Variants in VPS13B observed in about 807,000 individuals in gnomAD.
VPS13B encodes vacuolar protein sorting 13 homolog B.
A neutral mutation model predicts 426.4 loss-of-function variants in VPS13B; 285 were observed. The ratio of observed to expected loss-of-function variants is 0.67; its 90% confidence interval spans 0.61 to 0.74. The LOEUF is 0.74. VPS13B is among the 30% of genes least tolerant of loss of function. The pLI, the probability that VPS13B is intolerant of heterozygous loss-of-function variation, is 0.00. For missense variants in VPS13B, 4,537 were observed against 4,782.6 expected (o/e 0.95, Z 1.51); for synonymous variants, 1,676 against 1,676.4 (o/e 1.00, Z 0.01).
chr8:99,390,492 A>T lies in VPS13B; in HGVS notation c.2935-1065A>T, dbSNP rs140479944. ...CATGTTTCAGAACATGATTGATTTTATTACATAGTTATATAATAAACATGT... is the reference window on the plus strand; with the variant it reads ...CATGTTTCAGAACATGATTGATTTTTTTACATAGTTATATAATAAACATGT... On this transcript the variant is annotated intron_variant, in intron 20 of 61. Coordinates refer to ENST00000357162, the MANE Select transcript of VPS13B (RefSeq NM_152564.5). Among the ~76,000 whole-genome samples the T allele has an allele frequency of 5.3e-5, 8 of 152,216 alleles. 1 individual carries two copies. The East Asian group carries it at 1.5e-3, about 29-fold the overall frequency.
intron 26 of VPS13B, among the ~76,000 whole-genome samples, chr8:99,502,468 T>C (rs1306021024): frequency 6.6e-6 from 1 of 152,238 alleles, no homozygotes; most frequent in Admixed American, 6.5e-5. Flanking sequence ...GTGTACATAT[T>C]TTCCTTGACT....
chr8:99,208,241 T>C (rs1814846183), intron 17 of VPS13B, among the ~76,000 whole-genome samples: 1 of 152,086 alleles, frequency 6.6e-6, no homozygotes, highest in Admixed American at 6.6e-5. Flanking sequence ...CCATGAGGGA[T>C]CCATCCTCAT....
intron 19 of VPS13B, among the ~76,000 whole-genome samples, chr8:99,284,296 A>G (rs925456329): frequency 4.6e-5 from 7 of 152,112 alleles, no homozygotes; most frequent in African/African-American, 1.7e-4. Flanking sequence ...TTTCTTTGCC[A>G]TTCTCCTATT....
intron 35 of VPS13B, among the ~76,000 whole-genome samples, chr8:99,678,462 C>G (rs530916694): frequency 6.7e-4 from 102 of 152,212 alleles, no homozygotes; most frequent in African/African-American, 2.4e-3. Flanking sequence ...TTAACTACCC[C>G]CTTCCTCAGT....
intron 25 of VPS13B, among the ~76,000 whole-genome samples, chr8:99,483,365 A>G (rs1341393254): frequency 5.3e-5 from 8 of 152,132 alleles, no homozygotes; most frequent in African/African-American, 1.9e-4. Flanking sequence ...TTTCTAGAGT[A>G]AAAGCAGTGA....
At chr8:99,082,819 A>G (rs1251105226) in intron 3 of VPS13B, among the ~76,000 whole-genome samples, 2 of 152,286 alleles carry the variant, frequency 1.3e-5, no homozygotes, top group Admixed American at 1.3e-4. Context: ...CCATTGATCT[A>G]CATCTCTGTT....
chr8:99,302,591 C>A (rs1309178528), intron 19 of VPS13B, among the ~76,000 whole-genome samples: 2 of 152,082 alleles, frequency 1.3e-5, no homozygotes, highest in Non-Finnish European at 2.9e-5. Context: ...CTCACTGCAA[C>A]CTCCATCTCC....
chr8:99,434,999 C>G (rs1243460681), intron 22 of VPS13B, among the ~76,000 whole-genome samples: 1 of 152,118 alleles, frequency 6.6e-6, no homozygotes, highest in Non-Finnish European at 1.5e-5. Context: ...CATGGTCTAG[C>G]TGGGAAAAGG....
intron 19 of VPS13B, chr8:99,340,878 GCTGTGGTTGTCTGACTCT>G (rs1811203881): frequency 3.2e-6 from 1 of 314,218 alleles, no homozygotes; most frequent in Non-Finnish European, 6.5e-6. Flanking sequence ...GGCTGGTTCA[GCTGTGGTTGTCTGACTCT>G]CTGTGGACTG....
intron 33 of VPS13B, among the ~76,000 whole-genome samples, chr8:99,625,656 C>A (rs1021867471): frequency 2.0e-5 from 3 of 151,902 alleles, no homozygotes; most frequent in African/African-American, 7.3e-5. Flanking sequence ...AAGTTCAAGA[C>A]CAGCCTGGAC....
intron 58 of VPS13B, among the ~76,000 whole-genome samples, chr8:99,866,128 C>T (rs965424186): frequency 3.3e-5 from 5 of 152,274 alleles, no homozygotes; most frequent in Admixed American, 2.0e-4. Flanking sequence ...TCGCCCACCC[C>T]ACGGGCCTGA....
At position 99,820,109 on chromosome 8, in the gene VPS13B, C is replaced by T. The variant is rs913607878; in HGVS notation, c.8981C>T (p.Pro2994Leu). The change falls in exon 49 of 62, where the codon CCT (proline) becomes CTT (leucine). Residue 2994 changes from proline to leucine, a missense_variant. This residue lies in a region of VPS13B where 4,311 missense variants were observed against 4,474.3 expected (regional missense o/e 0.96). Transcript: ENST00000357162. Reference sequence around the variant, plus strand: ...GTTCCTGCTGGCAAAATTATTATTCCTCCTAATTTTCAGGTACTATAACTT... The same window carrying T: ...GTTCCTGCTGGCAAAATTATTATTCTTCCTAATTTTCAGGTACTATAACTT... The part of the protein sequence containing the change: ...LQVPAGKIII[P>L]PNFQEAFQIG... The T allele has an allele frequency of 6.2e-7, 1 of 1,613,726 alleles. No individual in the cohort carries two copies. Among genetic ancestry groups the T allele is most frequent in the Admixed American group, 1.7e-5 (1 of 59,998 alleles).
At chr8:99,682,947 C>T (rs1272573921) in intron 35 of VPS13B, among the ~76,000 whole-genome samples, 4 of 152,216 alleles carry the variant, frequency 2.6e-5, no homozygotes, top group Admixed American at 6.5e-5. Context: ...CAAGCCACAA[C>T]TCTAGGACTT....
chr8:99,188,153 T>C (rs1204577331), intron 16 of VPS13B, among the ~76,000 whole-genome samples: 1 of 151,474 alleles, frequency 6.6e-6, no homozygotes, highest in South Asian at 2.1e-4. Context: ...TTGTTTTCAT[T>C]GAGCTAAAAT....
chr8:99,740,843 C>A (rs541821570), intron 39 of VPS13B, among the ~76,000 whole-genome samples: 3 of 151,720 alleles, frequency 2.0e-5, no homozygotes, highest in South Asian at 2.1e-4. Flanking sequence ...TGGAAAGGAA[C>A]AACCAGTACC....
chr8:99,848,884 A>C lies in VPS13B; in HGVS notation c.10051A>C (p.Asn3351His). The C allele has an allele frequency of 6.2e-7, 1 of 1,613,840 alleles. No homozygotes were observed. Among genetic ancestry groups the C allele is most frequent in the Non-Finnish European group, 8.5e-7 (1 of 1,179,688 alleles). Residue 3351 changes from asparagine to histidine, a missense_variant, in exon 55 of 62, where the codon AAT (asparagine) becomes CAT (histidine). Physicochemically the swap from Asn to His is moderately conservative, Grantham distance 68 (BLOSUM62 1). Around this residue, in one of 2 missense-constraint regions of VPS13B, gnomAD observed 4,311 missense variants for 4,474.3 expected, o/e 0.96. Coordinates refer to ENST00000357162, the MANE Select transcript of VPS13B (RefSeq NM_152564.5). ...AGGAAAAGCAGGACCTATTTTAACC[A>C]ATACCAACAGGTAGGTTTAATTATT... is the stretch of plus-strand genomic sequence containing the variant. ...PEGKAGPILTNTNRAPEKIVT... is the reference protein window; with the variant it reads ...PEGKAGPILTHTNRAPEKIVT...
chr8:99,563,592 G>T (rs550352843), intron 31 of VPS13B, among the ~76,000 whole-genome samples: 29 of 152,288 alleles, frequency 1.9e-4, no homozygotes, highest in African/African-American at 6.5e-4. Flanking sequence ...TTCACAGAGT[G>T]CATGGCTTCT....
At chr8:99,641,063 T>G (rs544891354) in intron 33 of VPS13B, among the ~76,000 whole-genome samples, 7 of 152,352 alleles carry the variant, frequency 4.6e-5, no homozygotes, top group Non-Finnish European at 8.8e-5. Context: ...TAACTCTTGC[T>G]GCCACCAAGT....
In VPS13B at chr8:99,569,188, T is replaced by C. The variant is rs557353305; in HGVS notation, c.4950-6470T>C. 1.2e-3 allele frequency among the ~76,000 whole-genome samples: 176 copies of C among 152,170 alleles called. 1 individual carries two copies. Among genetic ancestry groups the C allele is most frequent in the Middle Eastern group, 6.8e-3 (2 of 294 alleles). ...CATCTAAAGTTCAGCCATAATGACA[T>C]ACTAAGAAAATCTTTATGTTGCATA... On this transcript the variant is annotated intron_variant, in intron 31 of 61. Transcript: ENST00000357162.
Sources: gnomAD v4.1 joint callset for allele counts (sites outside exome capture counted in the v4.1 genomes callset) on GRCh38, gnomAD v4.1.1 for gene constraint, gnomAD v4.1.1 regional missense constraint, MANE v1.5 for transcripts, NCBI Gene and HGNC (gene_info 2026-07-23, HGNC 2026-07-21) for gene names.